ADGRF5: variants seen among roughly 807,000 people sequenced by gnomAD.
The protein encoded by ADGRF5 is adhesion G protein-coupled receptor F5.
ADGRF5 carries 75 observed loss-of-function variants against 132.3 expected under a neutral mutation model. The ratio of observed to expected loss-of-function variants is 0.57; its 90% confidence interval spans 0.47 to 0.69. The LOEUF is 0.69. Ranked by LOEUF, ADGRF5 falls within the 30% of genes least tolerant of loss-of-function variation. The pLI is 0.00. For synonymous variants in ADGRF5, 629 were observed against 597.6 expected (o/e 1.05, Z -0.77); for missense variants, 1,516 against 1,630.6 (o/e 0.93, Z 1.21).
chr6:46,896,963 A>G (rs965679546), intron 3 of ADGRF5, among the ~76,000 whole-genome samples: 3 of 152,142 alleles, frequency 2.0e-5, no homozygotes, highest in Non-Finnish European at 4.4e-5. Flanking sequence ...GGATGTACAT[A>G]GGTTATATGC....
intron 10 of ADGRF5, among the ~76,000 whole-genome samples, chr6:46,873,850 CCAAA>C (rs796616768): frequency 1.1e-3 from 170 of 152,194 alleles, no homozygotes; most frequent in African/African-American, 3.7e-3. Context: ...TGGCATTTCC[CCAAA>C]CAAAAAATCC....
chr6:46,941,526 C>T (rs1471830319), intron 1 of ADGRF5, among the ~76,000 whole-genome samples: 3 of 151,652 alleles, frequency 2.0e-5, no homozygotes, highest in East Asian at 3.9e-4. Flanking sequence ...AGAGCCCACC[C>T]CAGACTTCCA....
intron 1 of ADGRF5, among the ~76,000 whole-genome samples, chr6:46,950,136 T>C (rs949853424): frequency 1.3e-5 from 2 of 152,154 alleles, no homozygotes; most frequent in African/African-American, 4.8e-5. Context: ...ACTCCACCCA[T>C]TATGGGCATC....
intron 10 of ADGRF5, among the ~76,000 whole-genome samples, chr6:46,872,217 A>G (rs1771151194): frequency 6.6e-6 from 1 of 152,160 alleles, no homozygotes; most frequent in South Asian, 2.1e-4. Context: ...TCCATCACTT[A>G]CTAGCAAGAT....
intron 10 of ADGRF5, 81 bp from the exon 11 acceptor site, chr6:46,872,094 T>G: frequency 1.0e-6 from 1 of 985,126 alleles, no homozygotes; most frequent in Non-Finnish European, 1.5e-6. Flanking sequence ...CATTTTTTTT[T>G]CATAAAAGGA....
At chr6:46,936,346 G>T (rs1777827499) in intron 1 of ADGRF5, among the ~76,000 whole-genome samples, 1 of 152,154 alleles carries the variant, frequency 6.6e-6, no homozygotes, top group African/African-American at 2.4e-5. Context: ...TTGGTCATAT[G>T]GTGCTGAGGT....
At chr6:46,946,343 T>G (rs957748734) in intron 1 of ADGRF5, among the ~76,000 whole-genome samples, 1 of 152,122 alleles carries the variant, frequency 6.6e-6, no homozygotes, top group African/African-American at 2.4e-5. Flanking sequence ...GATTTGAGGA[T>G]ACAGAGGTCA....
intron 1 of ADGRF5, among the ~76,000 whole-genome samples, chr6:46,944,474 T>G (rs1473359449): frequency 1.3e-5 from 2 of 152,144 alleles, no homozygotes; most frequent in African/African-American, 4.8e-5. Context: ...TTTGCAGCAT[T>G]GCTCCCTGTC....
chr6:46,854,734 C>T (rs1309923474), intron 20 of ADGRF5: 3 of 1,286,704 alleles, frequency 2.3e-6, no homozygotes, highest in African/African-American at 3.0e-5. Context: ...GCTGAACTGC[C>T]ACCGCTAACA....
intron 1 of ADGRF5, among the ~76,000 whole-genome samples, chr6:46,942,055 T>G (rs948144689): frequency 6.6e-6 from 1 of 152,214 alleles, no homozygotes; most frequent in South Asian, 2.1e-4. Context: ...CTTAGCACCC[T>G]GCAAGCACTG....
At chr6:46,917,724 G>A (rs1282196282) in intron 1 of ADGRF5, among the ~76,000 whole-genome samples, 2 of 151,636 alleles carry the variant, frequency 1.3e-5, no homozygotes, top group African/African-American at 4.9e-5. Context: ...GTGTCCATGT[G>A]TTCTCATTGT....
At chr6:46,871,764 C>T (rs1771085776) in intron 11 of ADGRF5, 79 bp downstream of exon 11, 1 of 998,968 alleles carries the variant, frequency 1.0e-6, no homozygotes, top group South Asian at 2.0e-5. Flanking sequence ...ATAGATATTT[C>T]CATAGCTCAC....
intron 2 of ADGRF5, among the ~76,000 whole-genome samples, chr6:46,901,603 G>C (rs1207314975): frequency 6.6e-6 from 1 of 152,214 alleles, no homozygotes; most frequent in African/African-American, 2.4e-5. Flanking sequence ...CAGGCAGAGA[G>C]AGGTCCAGTA....
intron 11 of ADGRF5, among the ~76,000 whole-genome samples, chr6:46,871,130 A>C (rs557443444): frequency 2.7e-4 from 41 of 152,268 alleles, no homozygotes; most frequent in African/African-American, 9.1e-4. Flanking sequence ...CGTTTCTCTA[A>C]ACTTGTTCAC....
intron 3 of ADGRF5, among the ~76,000 whole-genome samples, chr6:46,890,534 A>G (rs995653690): frequency 0.054 from 8 of 148 alleles, no homozygotes; most frequent in Non-Finnish European, 0.12. Flanking sequence ...CCTGGCCAAC[A>G]TGGGAAACCC....
Position 46,877,303 on chromosome 6 carries a change from C to CCTTCCT in ADGRF5, c.1240+898_1240+899insAGGAAG, listed in dbSNP as rs1388865911. Among the ~76,000 whole-genome samples, 403 of 70,160 alleles carry CCTTCCT rather than the reference C, an allele frequency of 5.7e-3. 3 individuals are homozygous for CCTTCCT. Among genetic ancestry groups the CCTTCCT allele is most frequent in the African/African-American group, 0.01 (179 of 17,322 alleles). The allele number at this position is 70,160 out of a possible 152,430, so 46.0% of individuals were successfully genotyped here. On this transcript the variant is annotated intron_variant, in intron 10 of 20. Transcript: ENST00000283296. ...TCTTTCTTTCTTTCTCTCTCTCTCTCTCTTTCCTTCCTTCCTTCCTTCTTT... is the reference window on the plus strand; with the variant it reads ...TCTTTCTTTCTTTCTCTCTCTCTCTCCTTCCTTCTTTCCTTCCTTCCTTCCTTCTTT...
upstream of ADGRF5, among the ~76,000 whole-genome samples, chr6:46,923,752 G>A (rs1320340801): frequency 2.0e-5 from 3 of 152,246 alleles, no homozygotes; most frequent in South Asian, 2.1e-4. Context: ...CTATGTGCTT[G>A]CTGCACACAC....
intron 1 of ADGRF5, among the ~76,000 whole-genome samples, chr6:46,934,998 C>CTTTTTTTTT (rs56982002): frequency 2.3e-5 from 2 of 86,706 alleles, no homozygotes; most frequent in Admixed American, 1.5e-4. Flanking sequence ...GGTGATAGTT[C>CTTTTTTTTT]TTTTTTTTTT....
At chr6:46,864,995 T>G (rs1268091504) in intron 14 of ADGRF5, 47 bp downstream of exon 14, 1 of 1,300,748 alleles carries the variant, frequency 7.7e-7, no homozygotes, top group Non-Finnish European at 1.1e-6. Flanking sequence ...AATAAATAAG[T>G]CCCTGCCCTG....
Sources: allele counts gnomAD v4.1 joint callset (sites outside exome capture counted in the v4.1 genomes callset), GRCh38; gene constraint gnomAD v4.1.1; transcripts MANE v1.5; gene names NCBI Gene and HGNC (gene_info 2026-07-23, HGNC 2026-07-21).